Variants in FNBP1L observed in about 807,000 individuals in gnomAD.
FNBP1L encodes the protein formin binding protein 1 like.
FNBP1L carries 36 observed loss-of-function variants against 91.2 expected under a neutral mutation model. That is an observed-to-expected ratio of 0.39 (90% CI 0.30 to 0.52). The LOEUF is 0.52. Among genes scored for constraint, FNBP1L ranks in the 20% least tolerant of loss-of-function variants. The pLI, the probability that FNBP1L is intolerant of heterozygous loss-of-function variation, is 0.66. For synonymous variants in FNBP1L, 242 were observed against 237.0 expected (o/e 1.02, Z -0.19); for missense variants, 571 against 732.1 (o/e 0.78, Z 2.54).
At chr1:93,543,990 G>GCATTAAAAA in intron 11 of FNBP1L, 117 bp from the exon 12 acceptor site, 1 of 568,118 alleles carries the variant, frequency 1.8e-6, no homozygotes, top group East Asian at 3.5e-5. Flanking sequence ...GGGGTTGCTT[G>GCATTAAAAA]AGGCAAATTT....
rs1288093082 is a variant in FNBP1L at position 93,546,828 on chromosome 1, C to T, written c.1275-14C>T. The T allele has an allele frequency of 1.9e-6, 3 of 1,610,286 alleles. No homozygotes were observed. The highest frequency in any genetic ancestry group is 2.5e-6 in the Non-Finnish European group (3 of 1,178,360). The stretch of plus-strand genomic sequence containing the variant: ...AAGTTAATATTTAATTCTGGGGTTC[C>T]TTCTCTTTTTTAGAGATGCACTCAA... On this transcript the variant is annotated splice_polypyrimidine_tract_variant and intron_variant, in intron 12 of 16. Transcript: ENST00000271234.
intron 1 of FNBP1L, among the ~76,000 whole-genome samples, chr1:93,491,857 A>T (rs1329401761): frequency 6.6e-6 from 1 of 152,224 alleles, no homozygotes; most frequent in Non-Finnish European, 1.5e-5. Context: ...ATTAACAATT[A>T]AACATTGTAT....
chr1:93,470,953 A>G (rs1669264486), intron 1 of FNBP1L, among the ~76,000 whole-genome samples: 1 of 152,110 alleles, frequency 6.6e-6, no homozygotes, highest in Non-Finnish European at 1.5e-5. Flanking sequence ...GGACTTTAGA[A>G]TTCGATTAGT....
intron 5 of FNBP1L, 134 bp downstream of exon 5, chr1:93,524,457 TATAATAGTCA>T: frequency 1.7e-6 from 1 of 597,634 alleles, no homozygotes. Context: ...GGTATTATTG[TATAATAGTCA>T]ATAAAGTGTA....
At chr1:93,454,784 C>T (rs1026027889) in intron 1 of FNBP1L, among the ~76,000 whole-genome samples, 4 of 151,998 alleles carry the variant, frequency 2.6e-5, no homozygotes, top group African/African-American at 9.7e-5. Context: ...AACAATACAG[C>T]ATAACAACTA....
At chr1:93,543,006 C>T (rs1672102941) in intron 11 of FNBP1L, among the ~76,000 whole-genome samples, 1 of 151,930 alleles carries the variant, frequency 6.6e-6, no homozygotes, top group East Asian at 1.9e-4. Flanking sequence ...AGGCTCCAGT[C>T]TGGCCTCAAA....
intron 5 of FNBP1L, among the ~76,000 whole-genome samples, chr1:93,526,908 G>T (rs1671512450): frequency 6.6e-6 from 1 of 152,114 alleles, no homozygotes; most frequent in Non-Finnish European, 1.5e-5. Context: ...ACCAGAATTA[G>T]TAGCCTATAG....
At chr1:93,517,119 A>C (rs1215231009) in intron 2 of FNBP1L, among the ~76,000 whole-genome samples, 2 of 147,774 alleles carry the variant, frequency 1.4e-5, no homozygotes, top group African/African-American at 2.5e-5. Flanking sequence ...AGCTCACTGC[A>C]TGCAACCTCC....
chr1:93,507,951 GTT>G (rs79539949), intron 2 of FNBP1L, among the ~76,000 whole-genome samples: 6 of 138,964 alleles, frequency 4.3e-5, no homozygotes, highest in African/African-American at 5.2e-5. Context: ...CCCTGGCCTA[GTT>G]TTTTTTTTTT....
chr1:93,530,967 T>G, intron 7 of FNBP1L, 84 bp downstream of exon 7: 2 of 1,125,616 alleles, frequency 1.8e-6, no homozygotes, highest in Non-Finnish European at 2.5e-6. Context: ...CATCAGAATC[T>G]TTCTAGATTC....
chr1:93,530,964 A>G, intron 7 of FNBP1L, 81 bp downstream of exon 7: 4 of 1,123,968 alleles, frequency 3.6e-6, no homozygotes, highest in Non-Finnish European at 4.9e-6. Context: ...AGACATCAGA[A>G]TCTTTCTAGA....
intron 1 of FNBP1L, among the ~76,000 whole-genome samples, chr1:93,485,068 T>C (rs1234371129): frequency 6.6e-6 from 1 of 151,894 alleles, no homozygotes; most frequent in Non-Finnish European, 1.5e-5. Flanking sequence ...GGAGGATTGC[T>C]TGAGCCCAGG....
intron 16 of FNBP1L, chr1:93,552,022 A>G: frequency 2.0e-6 from 2 of 1,009,502 alleles, no homozygotes; most frequent in South Asian, 9.3e-5. Flanking sequence ...TTTTTAAAGG[A>G]GAAACTTTTT....
chr1:93,504,475 T>C (rs2101729522), intron 2 of FNBP1L, among the ~76,000 whole-genome samples: 1 of 152,310 alleles, frequency 6.6e-6, no homozygotes, highest in East Asian at 1.9e-4. Context: ...TTCCTCCCTG[T>C]CTCGGGTATG....
chr1:93,499,814 A>C (rs1006696477), intron 2 of FNBP1L, among the ~76,000 whole-genome samples: 5 of 152,310 alleles, frequency 3.3e-5, no homozygotes, highest in African/African-American at 1.2e-4. Flanking sequence ...GACACTTAAA[A>C]ATCTGAAAAC....
chr1:93,530,885 T>A lies in FNBP1L; in HGVS notation c.639+2T>A. 1 of 1,531,314 alleles carries A rather than the reference T, an allele frequency of 6.5e-7. No individual in the cohort carries two copies. The highest frequency in any genetic ancestry group is 8.8e-7 in the Non-Finnish European group (1 of 1,134,820). 94.9% of individuals were successfully genotyped at this position (1,531,314 alleles called of 1,614,324 possible). ...GTAGTGATTCCTCAGATTTACAAGG[T>A]AAATCTTAGATATGAAGTTAATCTA... On this transcript the variant is annotated splice_donor_variant, in intron 7 of 16. Transcript: ENST00000271234. LOFTEE classifies it high-confidence loss of function.
chr1:93,511,212 C>T (rs1401491561), intron 2 of FNBP1L, among the ~76,000 whole-genome samples: 22 of 152,174 alleles, frequency 1.4e-4, no homozygotes, highest in African/African-American at 3.9e-4. Context: ...AGAGAAAGGT[C>T]GGGTTACCCT....
At chr1:93,515,941 A>G (rs569455948) in intron 2 of FNBP1L, among the ~76,000 whole-genome samples, 1 of 152,280 alleles carries the variant, frequency 6.6e-6, no homozygotes, top group Non-Finnish European at 1.5e-5. Context: ...GATTTTAAAA[A>G]TTACCATAAT....
chr1:93,507,097 ACACACACACACTCTCTCT>A (rs1262419919), intron 2 of FNBP1L, among the ~76,000 whole-genome samples: 576 of 83,684 alleles, frequency 6.9e-3, no homozygotes, highest in Non-Finnish European at 8.5e-3. Flanking sequence ...ACACACACAC[ACACACACACACTCTCTCT>A]CTCTCTCTCT....
Sources: gnomAD v4.1 joint callset for allele counts (sites outside exome capture counted in the v4.1 genomes callset) on GRCh38, gnomAD v4.1.1 for gene constraint, MANE v1.5 for transcripts, NCBI Gene and HGNC (gene_info 2026-07-23, HGNC 2026-07-21) for gene names.